Variants in DOCK2 observed in about 807,000 individuals in gnomAD.
DOCK2 encodes the protein dedicator of cytokinesis protein 2.
DOCK2 carries 87 observed loss-of-function variants against 248.9 expected under a neutral mutation model. The observed-to-expected ratio is 0.35, with a 90% confidence interval of 0.29 to 0.42. DOCK2 has a LOEUF of 0.42. DOCK2 is among the 10% of genes least tolerant of loss of function. DOCK2 has a pLI of 1.00. For missense variants in DOCK2, 1,747 were observed against 2,300.2 expected, an observed-to-expected ratio of 0.76 and a Z score of 4.92; for synonymous variants, 805 against 821.6, an observed-to-expected ratio of 0.98 and a Z score of 0.35.
At chr5:169,827,312 G>A (rs2113272025) in intron 26 of DOCK2, among the ~76,000 whole-genome samples, 1 of 152,234 alleles carries the variant, frequency 6.6e-6, no homozygotes, top group South Asian at 2.1e-4. Flanking sequence ...CTGCTGTTTA[G>A]GCAGCTTCTC....
chr5:169,684,287 G>A lies in DOCK2; in HGVS notation c.698G>A (p.Arg233Lys). 6.2e-7 allele frequency: 1 copy of A among 1,614,180 alleles called. No homozygotes were observed. Among genetic ancestry groups the A allele is most frequent in the Non-Finnish European group, 8.5e-7 (1 of 1,180,030 alleles). The change falls in exon 8 of 52, where the codon AGA becomes AAA. Residue 233 changes from arginine (R) to lysine (K), a missense_variant. By Grantham distance (26) the Arg-to-Lys change is conservative. Coordinates refer to ENST00000520908, the MANE Select transcript of DOCK2 (RefSeq NM_004946.3). ...LYVFVRNFVC[R>K]IGEDAELFMS... is the part of the protein sequence containing the mutation. ...GTGTTTGTGAGAAACTTTGTGTGCA[G>A]AATTGGGGAAGATGCTGAGCTCTTC...
At chr5:170,017,510 G>A (rs911753713) in intron 32 of DOCK2, among the ~76,000 whole-genome samples, 3 of 152,038 alleles carry the variant, frequency 2.0e-5, no homozygotes, top group South Asian at 2.1e-4. Flanking sequence ...TGCTCAATAC[G>A]GCTCCCCTTT....
intron 46 of DOCK2, among the ~76,000 whole-genome samples, chr5:170,072,783 C>T (rs148767980): frequency 1.6e-3 from 236 of 152,232 alleles, no homozygotes; most frequent in Non-Finnish European, 2.7e-3. Context: ...ATGTTCAGCA[C>T]CTTTTCATAT....
intron 27 of DOCK2, among the ~76,000 whole-genome samples, chr5:169,962,653 C>T (rs973491949): frequency 2.0e-5 from 3 of 151,992 alleles, no homozygotes; most frequent in Admixed American, 6.6e-5. Flanking sequence ...CCTCTAGGAA[C>T]GTATTGTCTG....
chr5:169,775,882 C>T (rs1765356330), intron 25 of DOCK2, among the ~76,000 whole-genome samples: 2 of 151,686 alleles, frequency 1.3e-5, no homozygotes, highest in African/African-American at 4.8e-5. Context: ...CTTGGGATTC[C>T]TCCTTGCCTG....
intron 4 of DOCK2, 56 bp from the exon 5 acceptor site, chr5:169,671,022 A>C (rs1048146361): frequency 6.6e-7 from 1 of 1,521,338 alleles, no homozygotes; most frequent in African/African-American, 1.4e-5. Flanking sequence ...TTGGTGTTTT[A>C]TCTTGTTAGC....
intron 9 of DOCK2, among the ~76,000 whole-genome samples, chr5:169,691,219 A>G (rs1400565191): frequency 1.3e-5 from 2 of 152,206 alleles, no homozygotes; most frequent in African/African-American, 4.8e-5. Context: ...ACTCGCTATC[A>G]TGATGATAGC....
intron 22 of DOCK2, among the ~76,000 whole-genome samples, chr5:169,724,487 A>ATGGGAGCTTCAGCACC (rs1463077200): frequency 6.6e-6 from 1 of 151,998 alleles, no homozygotes; most frequent in Non-Finnish European, 1.5e-5. Context: ...CTGTGTCCTG[A>ATGGGAGCTTCAGCACC]TGGGAGCTTC....
intron 26 of DOCK2, among the ~76,000 whole-genome samples, chr5:169,812,515 C>T (rs928780274): frequency 2.0e-4 from 31 of 152,198 alleles, no homozygotes; most frequent in Non-Finnish European, 1.6e-4. Flanking sequence ...ACCTGCCCCA[C>T]CATCCGTTTT....
At chr5:169,932,906 C>T (rs1389975480) in intron 27 of DOCK2, among the ~76,000 whole-genome samples, 4 of 150,662 alleles carry the variant, frequency 2.7e-5, no homozygotes, top group Non-Finnish European at 5.9e-5. Context: ...ACCAATCCTG[C>T]ATCCTCAAAC....
At chr5:169,861,538 T>C (rs1021803771) in intron 27 of DOCK2, among the ~76,000 whole-genome samples, 3 of 152,238 alleles carry the variant, frequency 2.0e-5, no homozygotes, top group Admixed American at 2.0e-4. Context: ...TTCCTTTCAA[T>C]TTTATAAAAG....
chr5:169,982,929 G>A, intron 27 of DOCK2, 139 bp from the exon 28 acceptor site: 1 of 758,844 alleles, frequency 1.3e-6, no homozygotes, highest in Non-Finnish European at 2.2e-6. Flanking sequence ...GTTCGGCACT[G>A]CTATTACAGT....
intron 29 of DOCK2, among the ~76,000 whole-genome samples, chr5:169,986,452 C>A (rs1181448203): frequency 1.3e-5 from 2 of 152,118 alleles, no homozygotes; most frequent in Non-Finnish European, 2.9e-5. Context: ...ATCTATAATA[C>A]CCGTTAACAT....
At chr5:169,937,472 C>T (rs1016624649) in intron 27 of DOCK2, among the ~76,000 whole-genome samples, 3 of 152,144 alleles carry the variant, frequency 2.0e-5, no homozygotes, top group African/African-American at 7.2e-5. Flanking sequence ...ATGCTGCACG[C>T]TTATCTGTGC....
intron 27 of DOCK2, chr5:169,884,052 G>A: frequency 1.7e-6 from 1 of 602,994 alleles, no homozygotes; most frequent in Non-Finnish European, 2.6e-6. Context: ...AAATCCTGTT[G>A]GCCATTCCCA....
chr5:170,001,416 T>C (rs1754828027), intron 30 of DOCK2, among the ~76,000 whole-genome samples: 1 of 152,020 alleles, frequency 6.6e-6, no homozygotes, highest in South Asian at 2.1e-4. Context: ...GAAAGGACAC[T>C]GAGAAAGGAG....
At chr5:170,045,713 C>T (rs528597142) in intron 38 of DOCK2, 103 bp from the exon 39 acceptor site, 48 of 1,174,526 alleles carry the variant, frequency 4.1e-5, no homozygotes, top group Middle Eastern at 2.2e-4. Context: ...CAAGGTTTCC[C>T]CTCAGTCCCA....
At chr5:169,801,571 T>C (rs1766992228) in intron 25 of DOCK2, among the ~76,000 whole-genome samples, 1 of 152,138 alleles carries the variant, frequency 6.6e-6, no homozygotes, top group African/African-American at 2.4e-5. Flanking sequence ...TCCCTCAAGA[T>C]TCAGATTTCA....
chr5:169,753,726 A>G (rs981418422), intron 23 of DOCK2, among the ~76,000 whole-genome samples: 2 of 152,188 alleles, frequency 1.3e-5, no homozygotes, highest in Non-Finnish European at 2.9e-5. Flanking sequence ...ATGGAAACAC[A>G]CATATTCTGG....
Sources: gnomAD v4.1 joint callset for allele counts (sites outside exome capture counted in the v4.1 genomes callset) on GRCh38, gnomAD v4.1.1 for gene constraint, MANE v1.5 for transcripts, NCBI Gene and HGNC (gene_info 2026-07-23, HGNC 2026-07-21) for gene names.